RYR2: variants seen among roughly 807,000 people sequenced by gnomAD.
RYR2 encodes ryanodine receptor 2.
RYR2 carries 227 observed loss-of-function variants against 601.1 expected under a neutral mutation model. The ratio of observed to expected loss-of-function variants is 0.38; its 90% CI spans 0.34 to 0.42. RYR2 has a LOEUF of 0.42. RYR2 is among the 10% of genes least tolerant of loss of function. The pLI is 1.00. For missense variants in RYR2, 4,646 were observed against 6,156.5 expected, an observed-to-expected ratio of 0.75 and a Z score of 8.21; for synonymous variants, 2,223 against 2,175.1, an observed-to-expected ratio of 1.02 and a Z score of -0.61.
intron 1 of RYR2, among the ~76,000 whole-genome samples, chr1:237,060,757 T>C (rs1662734563): frequency 6.6e-6 from 1 of 152,252 alleles, no homozygotes; most frequent in East Asian, 1.9e-4. Context: ...TAGTGCTGTA[T>C]GCTACAATTC....
chr1:237,065,003 CG>C (rs1371246242), intron 1 of RYR2, among the ~76,000 whole-genome samples: 2 of 151,940 alleles, frequency 1.3e-5, no homozygotes, highest in African/African-American at 4.8e-5. Flanking sequence ...CACGTAACAT[CG>C]TATTGTGTGT....
chr1:237,780,125 C>A (rs934113567), intron 88 of RYR2, among the ~76,000 whole-genome samples: 1 of 149,314 alleles, frequency 6.7e-6, no homozygotes, highest in Admixed American at 6.6e-5. Context: ...CAGTTAGAAA[C>A]TATATTTATT....
intron 17 of RYR2, among the ~76,000 whole-genome samples, chr1:237,480,820 C>T (rs1192494401): frequency 6.6e-6 from 1 of 152,136 alleles, no homozygotes; most frequent in Non-Finnish European, 1.5e-5. Flanking sequence ...TTCCCTCATT[C>T]TGTATATGGA....
chr1:237,810,995 G>A (rs1333143073), intron 100 of RYR2, among the ~76,000 whole-genome samples: 1 of 152,092 alleles, frequency 6.6e-6, no homozygotes, highest in Non-Finnish European at 1.5e-5. Flanking sequence ...ACAGGGGTAG[G>A]ACCATAGATC....
chr1:237,379,699 C>T (rs1432994963), intron 8 of RYR2, among the ~76,000 whole-genome samples: 4 of 152,156 alleles, frequency 2.6e-5, no homozygotes, highest in African/African-American at 9.7e-5. Flanking sequence ...GCCATCATAG[C>T]TCACAGAAGC....
At chr1:237,594,350 T>C (rs1675563230) in intron 33 of RYR2, among the ~76,000 whole-genome samples, 2 of 152,208 alleles carry the variant, frequency 1.3e-5, no homozygotes, top group Admixed American at 1.3e-4. Context: ...CTTCTATACT[T>C]GCACCATCAT....
At chr1:237,603,595 A>G (rs6681512) in intron 35 of RYR2, among the ~76,000 whole-genome samples, 51,727 of 152,092 alleles carry the variant, frequency 0.34, 10,868 homozygotes, top group Admixed American at 0.47. Context: ...CTTAAATGTA[A>G]ATGGGCTAAA....
At chr1:237,605,932 G>C (rs1490044384) in intron 35 of RYR2, among the ~76,000 whole-genome samples, 1 of 151,332 alleles carries the variant, frequency 6.6e-6, no homozygotes, top group Non-Finnish European at 1.5e-5. Context: ...ACAAACAAAT[G>C]GAAGAACATT....
In RYR2 at chr1:237,203,650, G is replaced by A. The variant is rs548784995; in HGVS notation, c.49-66847G>A. Among the ~76,000 whole-genome samples, 21 of 152,198 alleles carry A rather than the reference G, an allele frequency of 1.4e-4. No individual in the cohort carries two copies. The South Asian group carries it at 4.4e-3, about 32-fold the overall frequency. On this transcript the variant is annotated intron_variant, in intron 1 of 104. Coordinates refer to ENST00000366574, the MANE Select transcript of RYR2 (RefSeq NM_001035.3). ...AATAGGTGGTTTGAATTTATTCATT[G>A]AATTTCATTTACTTTCTAAGCTTCA...
At chr1:237,558,998 T>C (rs1410254674) in intron 27 of RYR2, among the ~76,000 whole-genome samples, 1 of 71,242 alleles carries the variant, frequency 1.4e-5, no homozygotes, top group Admixed American at 1.3e-4. Context: ...ATTTTTGTAC[T>C]TTTTTTTTTT....
chr1:237,459,064 A>G (rs1283269381), intron 16 of RYR2, among the ~76,000 whole-genome samples: 1 of 152,256 alleles, frequency 6.6e-6, no homozygotes, highest in Non-Finnish European at 1.5e-5. Flanking sequence ...CGATTGAGAT[A>G]AAGATTTTGT....
At chr1:237,282,054 C>A (rs1690945797) in intron 2 of RYR2, among the ~76,000 whole-genome samples, 1 of 152,114 alleles carries the variant, frequency 6.6e-6, no homozygotes, top group Admixed American at 6.5e-5. Context: ...AGAGTGCCCG[C>A]TGCCACTGTT....
intron 27 of RYR2, among the ~76,000 whole-genome samples, chr1:237,552,807 C>T (rs1447006388): frequency 1.3e-5 from 2 of 151,554 alleles, no homozygotes. Flanking sequence ...GGGTTGTTTC[C>T]AATTTTAGGT....
At chr1:237,575,402 A>G (rs1052810937) in intron 29 of RYR2, among the ~76,000 whole-genome samples, 7 of 152,158 alleles carry the variant, frequency 4.6e-5, no homozygotes, top group Non-Finnish European at 8.8e-5. Flanking sequence ...AAGGCTTTTT[A>G]TATTAAAGCC....
At chr1:237,178,267 A>G (rs1678279006) in intron 1 of RYR2, among the ~76,000 whole-genome samples, 1 of 152,176 alleles carries the variant, frequency 6.6e-6, no homozygotes, top group African/African-American at 2.4e-5. Flanking sequence ...AGGACATCTT[A>G]CTTCCTCTAA....
At chr1:237,226,961 G>C (rs528695280) in intron 1 of RYR2, among the ~76,000 whole-genome samples, 16 of 152,180 alleles carry the variant, frequency 1.1e-4, no homozygotes, top group African/African-American at 3.4e-4. Context: ...TAGAGATCTG[G>C]TTTCACCATG....
intron 41 of RYR2, among the ~76,000 whole-genome samples, chr1:237,630,021 A>G (rs1227473699): frequency 6.6e-6 from 1 of 152,134 alleles, no homozygotes; most frequent in Non-Finnish European, 1.5e-5. Context: ...TAACCCGAGG[A>G]AGCCTCTCAT....
intron 1 of RYR2, among the ~76,000 whole-genome samples, chr1:237,238,180 G>T (rs1469224505): frequency 6.6e-6 from 1 of 151,968 alleles, no homozygotes; most frequent in Non-Finnish European, 1.5e-5. Context: ...ATGTTGCCCA[G>T]GCTGGTCTTG....
intron 14 of RYR2, among the ~76,000 whole-genome samples, chr1:237,452,106 T>TGTGTGTGG (rs1658235187): frequency 8.3e-6 from 1 of 120,092 alleles, no homozygotes; most frequent in African/African-American, 2.7e-5. Flanking sequence ...TGTGTGTGTG[T>TGTGTGTGG]ATGTGTGTGT....
Sources: allele counts gnomAD v4.1 joint callset (sites outside exome capture counted in the v4.1 genomes callset), GRCh38; gene constraint gnomAD v4.1.1; transcripts MANE v1.5; gene names NCBI Gene and HGNC (gene_info 2026-07-23, HGNC 2026-07-21).